Variants in CAST observed in about 807,000 individuals in gnomAD.
CAST encodes calpastatin.
CAST carries 76 observed loss-of-function variants against 119.6 expected under a neutral mutation model. That is an observed-to-expected ratio of 0.64 (90% CI 0.53 to 0.77). CAST has a LOEUF of 0.77. Ranked by LOEUF, CAST falls within the 30% of genes least tolerant of loss-of-function variation. The probability of loss-of-function intolerance (pLI) is 0.00; values close to 1 mark genes in which losing one functional copy is unlikely to be tolerated. For missense variants in CAST, 953 were observed against 946.5 expected (o/e 1.01, Z -0.09); for synonymous variants, 319 against 331.6 (o/e 0.96, Z 0.41).
the CAST span, among the ~76,000 whole-genome samples, chr5:96,419,386 A>T: frequency 3.5e-5 from 2 of 56,458 alleles, no homozygotes; most frequent in South Asian, 6.0e-4. Context: ...AATACTTATT[A>T]TATATATATA....
chr5:96,224,187 A>G, the CAST span, among the ~76,000 whole-genome samples: 3 of 152,180 alleles, frequency 2.0e-5, no homozygotes, highest in Non-Finnish European at 2.9e-5. Flanking sequence ...CAAACTGACA[A>G]ATCTTGGGGC....
chr5:96,722,269 A>C (rs1345986945), intron 3 of CAST, among the ~76,000 whole-genome samples: 1 of 152,186 alleles, frequency 6.6e-6, no homozygotes, highest in Non-Finnish European at 1.5e-5. Context: ...TTTTCTGAAA[A>C]TAACATAAAC....
At chr5:96,000,826 G>A in the CAST span, among the ~76,000 whole-genome samples, 6 of 152,300 alleles carry the variant, frequency 3.9e-5, no homozygotes, top group African/African-American at 1.2e-4. Flanking sequence ...AAAGAGTTCA[G>A]ATATTGATGT....
chr5:96,425,728 TAAAAA>T, the CAST span: 5,491 of 655,570 alleles, frequency 8.4e-3, 217 homozygotes, highest in African/African-American at 0.091. Context: ...TTCTCCATCA[TAAAAA>T]AAAAAAAAAA....
chr5:96,359,909 A>G, the CAST span, among the ~76,000 whole-genome samples: 2 of 152,112 alleles, frequency 1.3e-5, no homozygotes, highest in Non-Finnish European at 2.9e-5. Flanking sequence ...GTTCTCCTGG[A>G]TAATATCCTG....
chr5:96,262,587 T>G, the CAST span, among the ~76,000 whole-genome samples: 1 of 152,152 alleles, frequency 6.6e-6, no homozygotes, highest in African/African-American at 2.4e-5. Context: ...TGGAGTGCAG[T>G]GGTGCAATCT....
the CAST span, among the ~76,000 whole-genome samples, chr5:96,501,558 C>G: frequency 6.6e-6 from 1 of 152,130 alleles, no homozygotes; most frequent in Non-Finnish European, 1.5e-5. Flanking sequence ...TGCAAAAATA[C>G]AAAATGCAAA....
chr5:96,762,053 TAATC>T, intron 24 of CAST: 1 of 379,888 alleles, frequency 2.6e-6, no homozygotes, highest in Non-Finnish European at 4.7e-6. Context: ...GTATTTAGAA[TAATC>T]AATATGAGAA....
intron 11 of CAST, among the ~76,000 whole-genome samples, chr5:96,739,344 A>G (rs138375957): frequency 4.2e-4 from 64 of 152,378 alleles, no homozygotes; most frequent in Admixed American, 6.5e-4. Flanking sequence ...ATTTTGTTCA[A>G]TAGAGGACAG....
chr5:96,219,818 GGAAAA>G, the CAST span, among the ~76,000 whole-genome samples: 1 of 151,960 alleles, frequency 6.6e-6, no homozygotes, highest in Non-Finnish European at 1.5e-5. Context: ...AAAAAGAAAA[GGAAAA>G]GAAAGAGAAA....
At chr5:96,120,667 T>C in the CAST span, among the ~76,000 whole-genome samples, 3 of 147,952 alleles carry the variant, frequency 2.0e-5, no homozygotes, top group Admixed American at 2.0e-4. Context: ...AATATACATA[T>C]ATAATATATA....
the CAST span, among the ~76,000 whole-genome samples, chr5:96,470,916 T>C: frequency 6.6e-6 from 1 of 152,070 alleles, no homozygotes; most frequent in Non-Finnish European, 1.5e-5. Flanking sequence ...ATGTTGCAAA[T>C]TGTTGAGATT....
chr5:96,283,122 T>C, the CAST span, among the ~76,000 whole-genome samples: 6 of 30,218 alleles, frequency 2.0e-4, no homozygotes, highest in African/African-American at 1.1e-3. Context: ...AGAGCGAGAC[T>C]CCGTCTCAAA....
At chr5:96,449,361 G>A in the CAST span, among the ~76,000 whole-genome samples, 1 of 152,126 alleles carries the variant, frequency 6.6e-6, no homozygotes, top group Admixed American at 6.5e-5. Context: ...CCTGAGCTCC[G>A]CCTCCTACTG....
the CAST span, among the ~76,000 whole-genome samples, chr5:96,066,250 T>A: frequency 6.6e-6 from 1 of 152,284 alleles, no homozygotes; most frequent in South Asian, 2.1e-4. Flanking sequence ...ACAATAGGGC[T>A]TTGATAGACA....
the CAST span, among the ~76,000 whole-genome samples, chr5:96,103,380 T>A: frequency 7.7e-6 from 1 of 130,242 alleles, no homozygotes; most frequent in Non-Finnish European, 1.6e-5. Context: ...CCCCAGAGTG[T>A]GATGTTCCCC....
chr5:96,317,476 C>CAAAAAAAAAAAAAAAAAAAAAAAAAA, the CAST span, among the ~76,000 whole-genome samples: 2 of 50,578 alleles, frequency 4.0e-5, no homozygotes, highest in Non-Finnish European at 6.7e-5. Flanking sequence ...GACTCCATCT[C>CAAAAAAAAAAAAAAAAAAAAAAAAAA]AAAAAAAAAA....
At chr5:96,540,706 T>A (rs774574752) in intron 1 of CAST, among the ~76,000 whole-genome samples, 4 of 152,228 alleles carry the variant, frequency 2.6e-5, no homozygotes, top group Non-Finnish European at 4.4e-5. Flanking sequence ...GTTCTCAGGT[T>A]TCCACAAGTT....
intron 1 of CAST, among the ~76,000 whole-genome samples, chr5:96,613,108 A>G (rs1475683533): frequency 1.3e-5 from 2 of 152,204 alleles, no homozygotes; most frequent in Non-Finnish European, 2.9e-5. Context: ...ATAGTTTTAT[A>G]ATAAGTCTTG....
Sources: gnomAD v4.1 joint callset for allele counts (sites outside exome capture counted in the v4.1 genomes callset) on GRCh38, gnomAD v4.1.1 for gene constraint, MANE v1.5 for transcripts, NCBI Gene and HGNC (gene_info 2026-07-23, HGNC 2026-07-21) for gene names.